LCOR: variants seen among roughly 807,000 people sequenced by gnomAD.
LCOR encodes the protein ligand dependent nuclear receptor corepressor, also known as ligand-dependent corepressor.
LCOR carries 14 observed loss-of-function variants against 64.4 expected under a neutral mutation model. The observed-to-expected ratio is 0.22, with a 90% CI of 0.14 to 0.34. LCOR has a LOEUF of 0.34. Ranked by LOEUF, LCOR falls within the 10% of genes least tolerant of loss-of-function variation. The pLI, the probability that LCOR is intolerant of heterozygous loss-of-function variation, is 1.00. For missense variants in LCOR, 1,686 were observed against 1,765.3 expected (o/e 0.96, Z 0.80); for synonymous variants, 643 against 642.5 (o/e 1.00, Z -0.01).
chr10:96,956,897 T>C (rs1847793077), intron 7 of LCOR: 1 of 985,254 alleles, frequency 1.0e-6, no homozygotes, highest in South Asian at 4.7e-5. Flanking sequence ...AAGATCTCTT[T>C]ATTGGGGATG....
intron 2 of LCOR, among the ~76,000 whole-genome samples, chr10:96,892,678 A>G (rs1846466046): frequency 6.6e-6 from 1 of 152,056 alleles, no homozygotes; most frequent in Non-Finnish European, 1.5e-5. Flanking sequence ...ATTTCAACAT[A>G]TGAATTTTTG....
At chr10:96,906,430 A>G (rs1309530162) in intron 2 of LCOR, among the ~76,000 whole-genome samples, 1 of 152,230 alleles carries the variant, frequency 6.6e-6, no homozygotes. Context: ...GGTATGTTGT[A>G]TAAAGATACA....
At chr10:96,837,671 T>C (rs2134359734) in intron 2 of LCOR, among the ~76,000 whole-genome samples, 1 of 152,328 alleles carries the variant, frequency 6.6e-6, no homozygotes, top group East Asian at 1.9e-4. Flanking sequence ...AGACCTATTT[T>C]TGGAATACCT....
intron 2 of LCOR, among the ~76,000 whole-genome samples, chr10:96,844,708 C>T (rs1038941784): frequency 1.3e-5 from 2 of 152,228 alleles, no homozygotes; most frequent in African/African-American, 2.4e-5. Context: ...CATTCTTCAC[C>T]ATTAACTGAG....
chr10:96,926,125 A>G (rs1847163331), intron 4 of LCOR, among the ~76,000 whole-genome samples: 1 of 152,094 alleles, frequency 6.6e-6, no homozygotes, highest in Non-Finnish European at 1.5e-5. Flanking sequence ...TTCTAAAGAG[A>G]TCTGGTTCCT....
At chr10:96,969,877 T>A (rs1847983037) in intron 7 of LCOR, among the ~76,000 whole-genome samples, 2 of 149,896 alleles carry the variant, frequency 1.3e-5, no homozygotes, top group South Asian at 4.3e-4. Context: ...AGTCTTGGGT[T>A]CACACCATTC....
rs115520620 is a variant in LCOR at position 96,895,057 on chromosome 10, T to C, written c.-329-12208T>C. ...GCTTCCTTTCCTTAACTTAATATGA[T>C]CTTATCTAGTTCTAAAGCTTTAAAT... On this transcript the variant is annotated intron_variant, in intron 2 of 7. Transcript: ENST00000421806. Among the ~76,000 whole-genome samples the C allele has an allele frequency of 2.6e-5, 4 of 152,208 alleles. No individual in the cohort carries two copies. The East Asian group carries it at 7.7e-4, about 29-fold the overall frequency.
At chr10:96,844,614 A>AT (rs1482324533) in intron 2 of LCOR, among the ~76,000 whole-genome samples, 1 of 151,210 alleles carries the variant, frequency 6.6e-6, no homozygotes, top group Admixed American at 6.6e-5. Flanking sequence ...TTTCTTTTTG[A>AT]TTTTTTAGTT....
intron 2 of LCOR, among the ~76,000 whole-genome samples, chr10:96,883,521 C>T (rs1024284733): frequency 2.0e-5 from 3 of 152,134 alleles, no homozygotes; most frequent in African/African-American, 4.8e-5. Context: ...TGGTGTTGTC[C>T]GTGTTCTGGA....
At chr10:96,900,359 T>A (rs112515720) in intron 2 of LCOR, among the ~76,000 whole-genome samples, 3 of 151,702 alleles carry the variant, frequency 2.0e-5, no homozygotes, top group East Asian at 1.9e-4. Context: ...ATTCTTTTTT[T>A]AAAAAAAGAA....
chr10:96,868,650 C>T (rs1188156041), intron 2 of LCOR, among the ~76,000 whole-genome samples: 5 of 152,132 alleles, frequency 3.3e-5, no homozygotes, highest in African/African-American at 1.2e-4. Context: ...AGGTCACTGT[C>T]AGAAAAACCT....
chr10:96,941,072 C>A (rs1377373924), intron 4 of LCOR, among the ~76,000 whole-genome samples: 2 of 120,034 alleles, frequency 1.7e-5, no homozygotes, highest in South Asian at 6.0e-4. Context: ...ACCCCCCCCC[C>A]GCCTCCCTCC....
intron 2 of LCOR, among the ~76,000 whole-genome samples, chr10:96,847,405 A>AT (rs747131978): frequency 3.4e-5 from 5 of 147,746 alleles, no homozygotes; most frequent in Non-Finnish European, 5.9e-5. Flanking sequence ...GGTCAAGAGT[A>AT]TTTTATTTAT....
chr10:96,948,900 A>T, intron 5 of LCOR, 108 bp from the exon 6 acceptor site: 2 of 818,182 alleles, frequency 2.4e-6, no homozygotes, highest in Non-Finnish European at 3.7e-6. Flanking sequence ...TACTATTTTT[A>T]AGATAACTGC....
At chr10:96,944,272 G>T (rs1321477725) in intron 5 of LCOR, 27 bp downstream of exon 5, 1 of 973,020 alleles carries the variant, frequency 1.0e-6, no homozygotes, top group Non-Finnish European at 1.2e-6. Flanking sequence ...ATGATATTTA[G>T]CATCTGCTTG....
At chr10:96,875,641 C>T (rs578120158) in intron 2 of LCOR, among the ~76,000 whole-genome samples, 39 of 151,960 alleles carry the variant, frequency 2.6e-4, no homozygotes, top group Non-Finnish European at 5.0e-4. Context: ...GTGGGCCAGT[C>T]GTTTGAGCTC....
At chr10:96,939,936 C>T (rs1245245651) in intron 4 of LCOR, among the ~76,000 whole-genome samples, 6 of 152,184 alleles carry the variant, frequency 3.9e-5, no homozygotes, top group African/African-American at 1.4e-4. Flanking sequence ...GCGCTCCAGC[C>T]TAGGCAACAG....
chr10:96,979,923 T>C (rs956491799), intron 7 of LCOR, among the ~76,000 whole-genome samples: 3 of 152,124 alleles, frequency 2.0e-5, no homozygotes, highest in Non-Finnish European at 4.4e-5. Flanking sequence ...GCAGGCGAAT[T>C]GCCTGAGCTC....
intron 2 of LCOR, among the ~76,000 whole-genome samples, chr10:96,865,823 G>A (rs1309603962): frequency 6.7e-6 from 1 of 148,228 alleles, no homozygotes; most frequent in East Asian, 2.0e-4. Context: ...GCAGTGAGCT[G>A]AGATCGCGCC....
Sources: allele counts gnomAD v4.1 joint callset (sites outside exome capture counted in the v4.1 genomes callset), GRCh38; gene constraint gnomAD v4.1.1; transcripts MANE v1.5; gene names NCBI Gene and HGNC (gene_info 2026-07-23, HGNC 2026-07-21).